Variants in RAET1E observed in about 807,000 individuals in gnomAD.
The protein encoded by RAET1E is NKG2D ligand 4.
A neutral mutation model predicts 21.1 loss-of-function variants in RAET1E; 27 were observed. The ratio of observed to expected loss-of-function variants is 1.28; its 90% confidence interval spans 0.94 to 1.76. RAET1E has a LOEUF of 1.76. Among genes scored for constraint, RAET1E ranks in the 40% most tolerant of loss-of-function variants. The pLI is 0.00. For missense variants in RAET1E, 310 were observed against 311.3 expected (o/e 1.00, Z 0.03); for synonymous variants, 113 against 115.0 (o/e 0.98, Z 0.11).
Position 149,888,616 on chromosome 6 carries a change from T to C in RAET1E, c.674A>G (p.Asp225Gly). 1 of 1,607,888 alleles carries C rather than the reference T, an allele frequency of 6.2e-7. No individual in the cohort carries two copies. The highest frequency in any genetic ancestry group is 1.4e-5 in the African/African-American group (1 of 72,636). ...GAATGCCCCCAGGATGATCCATCTATCTGGTAGACTAGAAGAAGACCAGTG... is the reference window on the plus strand; with the variant it reads ...GAATGCCCCCAGGATGATCCATCTACCTGGTAGACTAGAAGAAGACCAGTG... ...DIHWSSSSLP[D>G]RWIILGAFIL... The change falls in exon 6 of 6, where the codon GAT becomes GGT. Residue 225 changes from aspartate to glycine, a missense_variant. Asp to Gly is a moderately conservative substitution (Grantham distance 94, BLOSUM62 -1). Transcript: ENST00000357183.
chr6:149,893,308 C>G (rs188832641), intron 2 of RAET1E, among the ~76,000 whole-genome samples: 2 of 152,142 alleles, frequency 1.3e-5, no homozygotes, highest in Non-Finnish European at 2.9e-5. Context: ...GCCATTTTCA[C>G]GATATTAGTG....
chr6:149,888,703 C>G, intron 5 of RAET1E, 36 bp from the exon 6 acceptor site: 1 of 1,524,818 alleles, frequency 6.6e-7, no homozygotes, highest in Non-Finnish European at 8.7e-7. Context: ...AAAGCACAAG[C>G]CCTGTCACAT....
At position 149,889,948 on chromosome 6, in the gene RAET1E, C is replaced by T. The variant is rs1442322568; in HGVS notation, c.283G>A (p.Gly95Arg). Reference sequence around the variant, plus strand: ...ATCCTGAGGTCTCGCCCCACTTCTCCCAGCGTTTGGGTCAATTCTCCCCAA... The same window carrying T: ...ATCCTGAGGTCTCGCCCCACTTCTCTCAGCGTTTGGGTCAATTCTCCCCAA... ...STWGELTQTL[G>R]EVGRDLRMLL... is the part of the protein sequence containing the mutation. Residue 95 changes from glycine to arginine, a missense_variant, in exon 4 of 6, where the codon GGA becomes AGA. By Grantham distance (125) the Gly-to-Arg change is moderately radical. Transcript: ENST00000357183. 6.2e-7 allele frequency: 1 copy of T among 1,614,108 alleles called. No homozygotes were observed. The highest frequency in any genetic ancestry group is 1.1e-5 in the South Asian group (1 of 91,072).
intron 3 of RAET1E, 86 bp from the exon 4 acceptor site, chr6:149,890,231 C>T: frequency 6.8e-7 from 1 of 1,472,070 alleles, no homozygotes; most frequent in South Asian, 1.3e-5. Flanking sequence ...ACTCCCTGGA[C>T]TGGGCCAGGC....
Position 149,888,286 on chromosome 6 carries a change from C to T in RAET1E, c.*212G>A. 1.4e-6 allele frequency: 1 copy of T among 724,138 alleles called. No individual in the cohort carries two copies. The highest frequency in any genetic ancestry group is 2.4e-6 in the Non-Finnish European group (1 of 408,704). The allele number at this position is 724,138 out of a possible 1,614,324, so 44.9% of individuals were successfully genotyped here. Reference sequence around the variant, plus strand: ...GGCCGGATGGCAAGGAGACAACACCCCAGGCAGGCGTTCCAGATCTTTGAC... The same window carrying T: ...GGCCGGATGGCAAGGAGACAACACCTCAGGCAGGCGTTCCAGATCTTTGAC... On this transcript the variant is annotated 3_prime_UTR_variant, in exon 6 of 6. Transcript: ENST00000357183.
Position 149,888,410 on chromosome 6 carries a change from C to T in RAET1E, c.*88G>A. ...GTAGTGTGGGGGCTCAAGACTAAGG[C>T]AGTGCACCATTTCTGTGGAGAGAGA... On this transcript the variant is annotated 3_prime_UTR_variant, in exon 6 of 6. Transcript: ENST00000357183. 6.7e-7 allele frequency: 1 copy of T among 1,496,354 alleles called. No individual in the cohort carries two copies. The highest frequency in any genetic ancestry group is 1.2e-5 in the South Asian group (1 of 81,232). 92.7% of individuals were successfully genotyped at this position (1,496,354 alleles called of 1,614,324 possible).
chr6:149,884,310 T>G lies in RAET1E; in HGVS notation c.*4188A>C, dbSNP rs7771014. The G allele has an allele frequency of 2.1e-6, 1 of 466,120 alleles. No homozygotes were observed. The allele number at this position is 466,120 out of a possible 1,614,324, so 28.9% of individuals were successfully genotyped here. On this transcript the variant is annotated 3_prime_UTR_variant, in exon 6 of 6. Coordinates refer to ENST00000357183, the MANE Select transcript of RAET1E (RefSeq NM_001394057.1). The stretch of plus-strand genomic sequence containing the variant: ...TTAAAAAATATGTACTGAAAAAAAA[T>G]TTTTTTTTTTTGAGACGGAGTCTTG...
intron 1 of RAET1E, among the ~76,000 whole-genome samples, chr6:149,896,766 AAGGAGC>A (rs1300171452): frequency 2.0e-5 from 3 of 152,078 alleles, no homozygotes; most frequent in Non-Finnish European, 4.4e-5. Context: ...GACTCACAGG[AAGGAGC>A]ACACCAGGCC....
chr6:149,889,016 T>C, intron 5 of RAET1E: 3 of 1,188,490 alleles, frequency 2.5e-6, no homozygotes, highest in Non-Finnish European at 3.3e-6. Context: ...GAAGTGGCAT[T>C]AGAGCTGGTG....
chr6:149,887,595 A>T lies in RAET1E; in HGVS notation c.*903T>A, dbSNP rs1024411396. Among the ~76,000 whole-genome samples the T allele has an allele frequency of 1.3e-5, 2 of 152,250 alleles. No individual in the cohort carries two copies. Among genetic ancestry groups the T allele is most frequent in the African/African-American group, 4.8e-5 (2 of 41,468 alleles). ...TATTCGTTTAAGCAATGAAAAGGGT[A>T]GAATCATTTCTTACATCAGAAACAT... On this transcript the variant is annotated 3_prime_UTR_variant, in exon 6 of 6. Coordinates refer to ENST00000357183, the MANE Select transcript of RAET1E (RefSeq NM_001394057.1).
At chr6:149,894,151 A>T (rs1351731846) in intron 2 of RAET1E, among the ~76,000 whole-genome samples, 1 of 151,918 alleles carries the variant, frequency 6.6e-6, no homozygotes, top group Non-Finnish European at 1.5e-5. Flanking sequence ...CTGAAATTTT[A>T]TTTTTTTGTT....
At chr6:149,896,590 G>T (rs1280166690) in intron 1 of RAET1E, among the ~76,000 whole-genome samples, 3 of 152,094 alleles carry the variant, frequency 2.0e-5, no homozygotes, top group Non-Finnish European at 4.4e-5. Flanking sequence ...TGCCAATACT[G>T]CTGCTGTGGG....
chr6:149,883,315 T>G lies in RAET1E; in HGVS notation c.*5183A>C, dbSNP rs928919539. ...TATTACATTTATTTAGAAACATGTT[T>G]GGTGTGTCTATTTTAAAGTAAAATT... On this transcript the variant is annotated 3_prime_UTR_variant, in exon 6 of 6. Coordinates refer to ENST00000357183, the MANE Select transcript of RAET1E (RefSeq NM_001394057.1). 6.6e-6 allele frequency: 1 copy of G among 152,108 alleles called. No homozygotes were observed. The highest frequency in any genetic ancestry group is 1.5e-5 in the Non-Finnish European group (1 of 68,026). The allele number at this position is 152,108 out of a possible 1,614,324, so 9.4% of individuals were successfully genotyped here.
chr6:149,884,512 AAG>A lies in RAET1E; in HGVS notation c.*3984_*3985del, dbSNP rs1047318202. On this transcript the variant is annotated 3_prime_UTR_variant, in exon 6 of 6. Transcript: ENST00000357183. The stretch of plus-strand genomic sequence containing the variant: ...TCTAGGTGGATCTTCTGCCTTTAGG[AAG>A]GAGACAAAAGAGTGCAGAACCCTGG... 73 of 1,535,798 alleles carry A rather than the reference AAG, an allele frequency of 4.8e-5. 1 individual carries two copies. The highest frequency in any genetic ancestry group is 2.7e-4 in the Admixed American group (14 of 50,976).
chr6:149,890,234 G>C (rs560974050), intron 3 of RAET1E, 89 bp from the exon 4 acceptor site: 3 of 1,467,622 alleles, frequency 2.0e-6, no homozygotes, highest in Non-Finnish European at 2.8e-6. Flanking sequence ...CCCTGGACTG[G>C]GCCAGGCTAG....
Position 149,887,587 on chromosome 6 carries a change from A to G in RAET1E, c.*911T>C, listed in dbSNP as rs1009035130. Among the ~76,000 whole-genome samples the G allele has an allele frequency of 1.3e-5, 2 of 152,208 alleles. No individual in the cohort carries two copies. Among genetic ancestry groups the G allele is most frequent in the Non-Finnish European group, 2.9e-5 (2 of 68,034 alleles). ...AGTCATGGTATTCGTTTAAGCAATGAAAAGGGTAGAATCATTTCTTACATC... is the reference window on the plus strand; with the variant it reads ...AGTCATGGTATTCGTTTAAGCAATGGAAAGGGTAGAATCATTTCTTACATC... On this transcript the variant is annotated 3_prime_UTR_variant, in exon 6 of 6. Coordinates refer to ENST00000357183, the MANE Select transcript of RAET1E (RefSeq NM_001394057.1).
At chr6:149,896,733 C>A (rs1157348867) in intron 1 of RAET1E, among the ~76,000 whole-genome samples, 1 of 151,856 alleles carries the variant, frequency 6.6e-6, no homozygotes, top group Non-Finnish European at 1.5e-5. Flanking sequence ...CTTAGCAGGG[C>A]CAATATTTTC....
At position 149,888,489 on chromosome 6, in the gene RAET1E, C is replaced by T. The variant is rs1302589822; in HGVS notation, c.*9G>A. 1 of 1,611,518 alleles carries T rather than the reference C, an allele frequency of 6.2e-7. No individual in the cohort carries two copies. Among genetic ancestry groups the T allele is most frequent in the South Asian group, 1.1e-5 (1 of 90,882 alleles). On this transcript the variant is annotated 3_prime_UTR_variant, in exon 6 of 6. Transcript: ENST00000357183. ...ACCCATGATTCACCTCTCTTGAGTC[C>T]TTACCAGACTAAGACGTCCTCAAGG...
At chr6:149,888,704 C>T (rs1386554792) in intron 5 of RAET1E, 37 bp from the exon 6 acceptor site, 2 of 1,524,318 alleles carry the variant, frequency 1.3e-6, no homozygotes, top group Non-Finnish European at 1.7e-6. Context: ...AAGCACAAGC[C>T]CTGTCACATA....
Sources: allele counts gnomAD v4.1 joint callset (sites outside exome capture counted in the v4.1 genomes callset), GRCh38; gene constraint gnomAD v4.1.1; transcripts MANE v1.5; gene names NCBI Gene and HGNC (gene_info 2026-07-23, HGNC 2026-07-21).